Variants in ARSB observed in about 807,000 individuals in gnomAD.
The protein encoded by ARSB is arylsulfatase B, also known as N-acetylgalactosamine-4-sulfatase.
ARSB carries 41 observed loss-of-function variants against 50.9 expected under a neutral mutation model. The ratio of observed to expected loss-of-function variants is 0.81; its 90% CI spans 0.63 to 1.04. The LOEUF is 1.04. ARSB is among the 50% of genes least tolerant of loss of function. The pLI is 0.00. For synonymous variants in ARSB, 269 were observed against 284.8 expected, an observed-to-expected ratio of 0.94 and a Z score of 0.56; for missense variants, 672 against 693.3, an observed-to-expected ratio of 0.97 and a Z score of 0.35.
At chr5:78,868,810 C>A (rs899849513) in intron 5 of ARSB, among the ~76,000 whole-genome samples, 15 of 143,664 alleles carry the variant, frequency 1.0e-4, no homozygotes, top group African/African-American at 3.7e-4. Context: ...TCACACATAA[C>A]AATATTAACT....
At chr5:78,807,817 G>A (rs1184342600) in intron 6 of ARSB, among the ~76,000 whole-genome samples, 1 of 152,110 alleles carries the variant, frequency 6.6e-6, no homozygotes, top group Admixed American at 6.5e-5. Flanking sequence ...ACATAGGCCG[G>A]GCGCGGTGGC....
chr5:78,956,108 G>A (rs1751711903), intron 3 of ARSB, among the ~76,000 whole-genome samples: 1 of 152,108 alleles, frequency 6.6e-6, no homozygotes, highest in African/African-American at 2.4e-5. Context: ...AATAGCCAAA[G>A]AGTAGAAACA....
chr5:78,865,608 T>C (rs1426835101), intron 5 of ARSB, among the ~76,000 whole-genome samples: 1 of 152,254 alleles, frequency 6.6e-6, no homozygotes, highest in African/African-American at 2.4e-5. Context: ...CTTGAATTTC[T>C]ACTCAGAAAA....
chr5:78,829,160 G>A (rs991261566), intron 6 of ARSB, among the ~76,000 whole-genome samples: 3 of 152,218 alleles, frequency 2.0e-5, no homozygotes, highest in African/African-American at 7.2e-5. Flanking sequence ...TTAGTCCAGT[G>A]AGACCCATGT....
intron 4 of ARSB, among the ~76,000 whole-genome samples, chr5:78,922,222 C>T (rs1028364156): frequency 6.6e-6 from 1 of 151,226 alleles, no homozygotes; most frequent in Non-Finnish European, 1.5e-5. Context: ...GGAGGGGGCA[C>T]GTGACCTACT....
At chr5:78,870,525 A>C (rs1581071470) in intron 5 of ARSB, among the ~76,000 whole-genome samples, 2 of 149,470 alleles carry the variant, frequency 1.3e-5, no homozygotes, top group Admixed American at 1.4e-4. Context: ...CAAATCAATA[A>C]ATGTAATCCA....
intron 6 of ARSB, among the ~76,000 whole-genome samples, chr5:78,793,256 T>C (rs1269412955): frequency 6.6e-6 from 1 of 152,168 alleles, no homozygotes; most frequent in African/African-American, 2.4e-5. Flanking sequence ...CTGGAGCAAT[T>C]TGAAAGATCT....
intron 4 of ARSB, among the ~76,000 whole-genome samples, chr5:78,942,097 T>C (rs1201282352): frequency 2.0e-5 from 3 of 152,222 alleles, no homozygotes; most frequent in Non-Finnish European, 4.4e-5. Flanking sequence ...TCTCTGATGG[T>C]AGTTTGTATT....
At chr5:78,888,657 A>T (rs1748147286) in intron 4 of ARSB, among the ~76,000 whole-genome samples, 1 of 152,156 alleles carries the variant, frequency 6.6e-6, no homozygotes, top group Non-Finnish European at 1.5e-5. Flanking sequence ...AAGAGTGGAG[A>T]TGATGGGGAC....
intron 4 of ARSB, among the ~76,000 whole-genome samples, chr5:78,942,241 A>T (rs1197296129): frequency 1.3e-5 from 2 of 152,076 alleles, no homozygotes; most frequent in African/African-American, 4.8e-5. Flanking sequence ...CAGCTCCTGG[A>T]TTCATTGATA....
At chr5:78,818,655 A>AGGCTGGAG (rs1168548757) in intron 6 of ARSB, among the ~76,000 whole-genome samples, 15 of 114,880 alleles carry the variant, frequency 1.3e-4, no homozygotes, top group Admixed American at 5.3e-4. Flanking sequence ...TCTGTCGCCC[A>AGGCTGGAG]GGCTGGAGTG....
chr5:78,808,979 G>C (rs894346117), intron 6 of ARSB, among the ~76,000 whole-genome samples: 5 of 152,226 alleles, frequency 3.3e-5, no homozygotes, highest in African/African-American at 1.2e-4. Context: ...AGATGTTAAT[G>C]AAATCTACAG....
chr5:78,892,245 A>ATTT (rs1748334436), intron 4 of ARSB, among the ~76,000 whole-genome samples: 6 of 120,778 alleles, frequency 5.0e-5, no homozygotes, highest in South Asian at 2.6e-4. Flanking sequence ...TGCATTCTCT[A>ATTT]TTCTTTTTTT....
At chr5:78,883,323 T>C (rs931523256) in intron 5 of ARSB, 1 of 152,256 alleles carries the variant, frequency 6.6e-6, no homozygotes, top group Non-Finnish European at 1.5e-5. Flanking sequence ...AGCTGTTCAG[T>C]GGCATTACTT....
intron 6 of ARSB, among the ~76,000 whole-genome samples, chr5:78,791,310 A>T (rs73767408): frequency 0.027 from 4,170 of 152,316 alleles, 181 homozygotes; most frequent in African/African-American, 0.093. Flanking sequence ...TTTTGTACTT[A>T]AAAGTTCCTA....
chr5:78,962,218 A>G (rs1313233472), intron 3 of ARSB, among the ~76,000 whole-genome samples: 1 of 152,224 alleles, frequency 6.6e-6, no homozygotes, highest in African/African-American at 2.4e-5. Flanking sequence ...AGAATAATAC[A>G]CAGTTCTCTT....
At chr5:78,816,252 CCTT>C (rs1429247988) in intron 6 of ARSB, 1 of 1,529,296 alleles carries the variant, frequency 6.5e-7, no homozygotes, top group Non-Finnish European at 8.9e-7. Context: ...AGGACTGTCT[CCTT>C]CATTATTCTA....
At chr5:78,850,135 G>C (rs1319580541) in intron 5 of ARSB, among the ~76,000 whole-genome samples, 5 of 152,062 alleles carry the variant, frequency 3.3e-5, no homozygotes, top group Non-Finnish European at 2.9e-5. Context: ...TCCCTGTCTT[G>C]TGCCAGTTTT....
chr5:78,803,265 A>G (rs1743460313), intron 6 of ARSB, among the ~76,000 whole-genome samples: 1 of 152,132 alleles, frequency 6.6e-6, no homozygotes, highest in African/African-American at 2.4e-5. Context: ...AATTCTCCCT[A>G]ACGCACTCCC....
Sources: allele counts gnomAD v4.1 joint callset (sites outside exome capture counted in the v4.1 genomes callset), GRCh38; gene constraint gnomAD v4.1.1; transcripts MANE v1.5; gene names NCBI Gene and HGNC (gene_info 2026-07-23, HGNC 2026-07-21).